UBE2D2: variants seen among roughly 807,000 people sequenced by gnomAD.
The protein encoded by UBE2D2 is ubiquitin conjugating enzyme E2 D2, also known as ubiquitin-conjugating enzyme E2 D2.
Under a neutral mutation model 24.2 loss-of-function variants are expected in UBE2D2, and 2 were observed. The observed-to-expected ratio is 0.08, with a 90% CI of 0.03 to 0.26. The LOEUF (loss-of-function observed/expected upper bound fraction) is 0.26, where lower values mean the gene tolerates loss of function less well. Among genes scored for constraint, UBE2D2 ranks in the 10% least tolerant of loss-of-function variants. The probability of loss-of-function intolerance (pLI) is 1.00; values close to 1 mark genes in which losing one functional copy is unlikely to be tolerated. For synonymous variants in UBE2D2, 58 were observed against 56.5 expected, an observed-to-expected ratio of 1.03 and a Z score of -0.12; for missense variants, 44 against 177.6, an observed-to-expected ratio of 0.25 and a Z score of 4.28.
At chr5:139,592,825 G>T (rs1183345052) in intron 1 of UBE2D2, among the ~76,000 whole-genome samples, 1 of 151,008 alleles carries the variant, frequency 6.6e-6, no homozygotes, top group Admixed American at 6.6e-5. Context: ...GATGGGTCTC[G>T]ATCTCCTGAC....
chr5:139,584,341 G>A (rs1753669798), intron 1 of UBE2D2, among the ~76,000 whole-genome samples: 1 of 152,050 alleles, frequency 6.6e-6, no homozygotes, highest in African/African-American at 2.4e-5. Context: ...CTCGGTTTGT[G>A]TAAGTACACT....
intron 1 of UBE2D2, among the ~76,000 whole-genome samples, chr5:139,590,782 CTTTTTTTT>C (rs57962602): frequency 5.7e-4 from 22 of 38,420 alleles, no homozygotes; most frequent in Admixed American, 1.7e-3. Flanking sequence ...TTCTCTTCTT[CTTTTTTTT>C]TTTTTTTTTT....
chr5:139,628,427 GT>G lies in UBE2D2; in HGVS notation c.*1630del, dbSNP rs999278076. On this transcript the variant is annotated 3_prime_UTR_variant, in exon 7 of 7. Transcript: ENST00000398733. The stretch of plus-strand genomic sequence containing the variant: ...AAGGAATAAATGTCCACTGCTTTTG[GT>G]TTTAAACTTGTTCACCTTGTCTTAT... 23 of 152,636 alleles carry G rather than the reference GT, an allele frequency of 1.5e-4. No individual in the cohort carries two copies. The highest frequency in any genetic ancestry group is 4.6e-4 in the African/African-American group (19 of 41,552). 9.5% of individuals were successfully genotyped at this position (152,636 alleles called of 1,614,324 possible). A position where few individuals can be genotyped will look rare whatever the true frequency, so the allele number is the denominator to read the frequency against.
intron 1 of UBE2D2, among the ~76,000 whole-genome samples, chr5:139,578,434 T>TTG (rs34697798): frequency 0.068 from 9,836 of 144,972 alleles, 349 homozygotes; most frequent in South Asian, 0.18. Flanking sequence ...GTTTTGTGTT[T>TTG]TGTGTGTGTG....
upstream of UBE2D2, among the ~76,000 whole-genome samples, chr5:139,559,792 G>T (rs937888386): frequency 1.3e-5 from 2 of 152,082 alleles, no homozygotes; most frequent in African/African-American, 2.4e-5. Context: ...ATCAGAAAAC[G>T]CCAGGGGTAG....
At chr5:139,535,149 TAAA>T (rs1346322322) in intron 1 of UBE2D2, among the ~76,000 whole-genome samples, 3 of 148,768 alleles carry the variant, frequency 2.0e-5, no homozygotes, top group Non-Finnish European at 4.5e-5. Context: ...CTCAAATAAA[TAAA>T]TAAATAAATA....
intron 1 of UBE2D2, among the ~76,000 whole-genome samples, chr5:139,553,214 G>A (rs1310664603): frequency 6.6e-6 from 1 of 152,154 alleles, no homozygotes; most frequent in East Asian, 1.9e-4. Context: ...CGAAATACCA[G>A]AAAAAGGGAT....
At chr5:139,612,459 G>T (rs768380444) in intron 2 of UBE2D2, 1 of 152,280 alleles carries the variant, frequency 6.6e-6, no homozygotes, top group Non-Finnish European at 1.5e-5. Flanking sequence ...AGAGATGAGG[G>T]CGCCACTGTG....
chr5:139,557,965 T>C (rs973579374), upstream of UBE2D2, among the ~76,000 whole-genome samples: 1 of 152,158 alleles, frequency 6.6e-6, no homozygotes, highest in African/African-American at 2.4e-5. Flanking sequence ...CCAGGCATGG[T>C]GGCTCCAGCT....
chr5:139,546,904 T>C (rs935576061), intron 1 of UBE2D2, among the ~76,000 whole-genome samples: 1 of 150,686 alleles, frequency 6.6e-6, no homozygotes, highest in Non-Finnish European at 1.5e-5. Flanking sequence ...TCTTTCTTTC[T>C]TTTTTTTTGA....
chr5:139,572,855 G>T (rs1753382865), intron 1 of UBE2D2, among the ~76,000 whole-genome samples: 1 of 151,838 alleles, frequency 6.6e-6, no homozygotes, highest in Admixed American at 6.6e-5. Flanking sequence ...TGTTGACCAG[G>T]CTGGTCTTGA....
At chr5:139,607,226 C>G (rs1304176204) in intron 2 of UBE2D2, among the ~76,000 whole-genome samples, 2 of 152,204 alleles carry the variant, frequency 1.3e-5, no homozygotes, top group Admixed American at 1.3e-4. Flanking sequence ...AGAGAGTAAC[C>G]TAAATCAGTG....
chr5:139,600,218 AGATTCAC>A, intron 1 of UBE2D2, 147 bp from the exon 2 acceptor site: 2 of 839,880 alleles, frequency 2.4e-6, no homozygotes, highest in Non-Finnish European at 3.9e-6. Context: ...AATACCTTAA[AGATTCAC>A]CAATCTACTC....
chr5:139,571,815 T>C (rs554596216), intron 1 of UBE2D2, among the ~76,000 whole-genome samples: 12 of 149,914 alleles, frequency 8.0e-5, no homozygotes, highest in Non-Finnish European at 1.3e-4. Flanking sequence ...CCCTCCTTCC[T>C]TCCTTTTTCC....
intron 5 of UBE2D2, among the ~76,000 whole-genome samples, chr5:139,617,316 G>A (rs1754439403): frequency 6.7e-6 from 1 of 150,208 alleles, no homozygotes; most frequent in African/African-American, 2.4e-5. Context: ...TGAGTGTCCA[G>A]AAATAGACAA....
In UBE2D2 at chr5:139,614,867, T is replaced by C. The variant is rs1314804313; in HGVS notation, c.205T>C (p.Phe69Leu). Residue 69 changes from phenylalanine (F) to leucine (L), a missense_variant, in exon 5 of 7, where the codon TTT becomes CTT. By Grantham distance (22) the Phe-to-Leu change is conservative. Coordinates refer to ENST00000398733, the MANE Select transcript of UBE2D2 (RefSeq NM_003339.3). Reference protein sequence around the residue: ...DYPFKPPKVAFTTRIYHPNIN... With the variant: ...DYPFKPPKVALTTRIYHPNIN... ...GTTTCCTTTCTTTCTGTAGGTTGCA[T>C]TTACAACAAGAATTTATCATCCAAA... 1 of 1,613,500 alleles carries C rather than the reference T, an allele frequency of 6.2e-7. No homozygotes were observed. The highest frequency in any genetic ancestry group is 1.3e-5 in the African/African-American group (1 of 74,906).
rs189474846 is a variant in UBE2D2 at position 139,574,971 on chromosome 5, C to T, written c.24+13156C>T. Among the ~76,000 whole-genome samples the T allele has an allele frequency of 1.1e-4, 17 of 152,006 alleles. No individual in the cohort carries two copies. In the East Asian group the frequency reaches 2.3e-3, roughly 21 times the overall value. Reference sequence around the variant, plus strand: ...GCTTGGCAGTTTTATTCACAGTACCCGATACTTAGAAACAACTCAGATATC... The same window carrying T: ...GCTTGGCAGTTTTATTCACAGTACCTGATACTTAGAAACAACTCAGATATC... On this transcript the variant is annotated intron_variant, in intron 1 of 6. Coordinates refer to ENST00000398733, the MANE Select transcript of UBE2D2 (RefSeq NM_003339.3).
intron 1 of UBE2D2, among the ~76,000 whole-genome samples, chr5:139,543,766 C>T (rs1388296847): frequency 6.6e-6 from 1 of 152,226 alleles, no homozygotes; most frequent in Non-Finnish European, 1.5e-5. Context: ...ATGTCGTCTG[C>T]TTCCTTCTTC....
intron 1 of UBE2D2, among the ~76,000 whole-genome samples, chr5:139,535,142 A>AC: frequency 7.2e-6 from 1 of 139,760 alleles, no homozygotes; most frequent in Non-Finnish European, 1.7e-5. Context: ...ACTTTATCTC[A>AC]AATAAATAAA....
Sources: allele counts gnomAD v4.1 joint callset (sites outside exome capture counted in the v4.1 genomes callset), GRCh38; gene constraint gnomAD v4.1.1; transcripts MANE v1.5; gene names NCBI Gene and HGNC (gene_info 2026-07-23, HGNC 2026-07-21).